PKP4: variants seen among roughly 807,000 people sequenced by gnomAD.
The protein encoded by PKP4 is plakophilin-4.
A neutral mutation model predicts 145.1 loss-of-function variants in PKP4; 90 were observed. The observed-to-expected ratio is 0.62, with a 90% CI of 0.52 to 0.74. The LOEUF is 0.74. Ranked by LOEUF, PKP4 falls within the 30% of genes least tolerant of loss-of-function variation. PKP4 has a pLI of 0.00. For missense variants in PKP4, 1,340 were observed against 1,482.7 expected (o/e 0.90, Z 1.58); for synonymous variants, 563 against 577.2 (o/e 0.98, Z 0.35).
At chr2:158,585,263 C>G (rs1051690429) in intron 3 of PKP4, among the ~76,000 whole-genome samples, 3 of 152,112 alleles carry the variant, frequency 2.0e-5, no homozygotes, top group African/African-American at 7.2e-5. Flanking sequence ...ATTATCTCCC[C>G]TTTTTCAGTT....
intron 1 of PKP4, among the ~76,000 whole-genome samples, chr2:158,498,983 C>T (rs1015534887): frequency 2.6e-5 from 4 of 152,078 alleles, no homozygotes; most frequent in Non-Finnish European, 5.9e-5. Context: ...ATTAAGCCCA[C>T]GGGGCTGGTG....
chr2:158,529,622 C>T (rs1352814249), intron 1 of PKP4, among the ~76,000 whole-genome samples: 3 of 152,192 alleles, frequency 2.0e-5, no homozygotes, highest in Non-Finnish European at 1.5e-5. Context: ...TTCCTATCAT[C>T]CTAGTGACTT....
chr2:158,638,258 T>C (rs2053979594), intron 9 of PKP4, among the ~76,000 whole-genome samples: 1 of 152,228 alleles, frequency 6.6e-6, no homozygotes, highest in African/African-American at 2.4e-5. Context: ...TGAATATTAA[T>C]AAAACATCTG....
chr2:158,676,797 C>T lies in PKP4; in HGVS notation c.3186C>T (p.Tyr1062=), dbSNP rs1357487027. ...GAATCAGAGACCCTCGCTCTGAATACGATAGGACCCAGCCACCTATGCAGT... is the reference window on the plus strand; with the variant it reads ...GAATCAGAGACCCTCGCTCTGAATATGATAGGACCCAGCCACCTATGCAGT... The part of the protein sequence containing the change: ...LLGIRDPRSE[Y]DRTQPPMQYY... The change falls in exon 20 of 22, where the codon TAC becomes TAT. Residue 1062 remains tyrosine, a synonymous_variant. Transcript: ENST00000389759. The T allele has an allele frequency of 9.9e-6, 16 of 1,614,046 alleles. No homozygotes were observed. Among genetic ancestry groups the T allele is most frequent in the Non-Finnish European group, 1.3e-5 (15 of 1,179,964 alleles).
At chr2:158,620,553 C>T (rs1188661561) in intron 4 of PKP4, among the ~76,000 whole-genome samples, 1 of 152,154 alleles carries the variant, frequency 6.6e-6, no homozygotes, top group African/African-American at 2.4e-5. Flanking sequence ...ATAAAATGTG[C>T]TCTACCTTCA....
intron 2 of PKP4, among the ~76,000 whole-genome samples, chr2:158,553,458 C>T (rs1308370397): frequency 6.6e-6 from 1 of 152,114 alleles, no homozygotes; most frequent in East Asian, 1.9e-4. Flanking sequence ...GTTGTATCAG[C>T]AAAAATGCTG....
intron 2 of PKP4, among the ~76,000 whole-genome samples, chr2:158,573,554 CAGA>C (rs549762638): frequency 5.6e-4 from 84 of 149,986 alleles, no homozygotes; most frequent in African/African-American, 1.9e-3. Context: ...GTCAGATTCA[CAGA>C]AGTTTATTGT....
chr2:158,641,927 C>T (rs1184124607), intron 10 of PKP4, among the ~76,000 whole-genome samples: 8 of 152,012 alleles, frequency 5.3e-5, no homozygotes, highest in Non-Finnish European at 7.4e-5. Flanking sequence ...TGCTGCCTGC[C>T]GATGGACATT....
chr2:158,520,904 A>C (rs2042315040), intron 1 of PKP4, among the ~76,000 whole-genome samples: 1 of 152,198 alleles, frequency 6.6e-6, no homozygotes, highest in Non-Finnish European at 1.5e-5. Context: ...TCCTTGTTTT[A>C]TAGAGCTTTG....
intron 3 of PKP4, among the ~76,000 whole-genome samples, chr2:158,587,890 A>G (rs1212403539): frequency 1.3e-5 from 2 of 151,368 alleles, no homozygotes; most frequent in Non-Finnish European, 2.9e-5. Flanking sequence ...ATATACATAT[A>G]TATTAACACC....
intron 1 of PKP4, among the ~76,000 whole-genome samples, chr2:158,481,862 A>C (rs539608865): frequency 1.1e-3 from 175 of 152,350 alleles, no homozygotes; most frequent in Non-Finnish European, 2.0e-3. Flanking sequence ...AAATAAGCAA[A>C]ACTGGTTTAT....
Position 158,548,818 on chromosome 2 carries a change from A to G in PKP4, c.132+15502A>G, listed in dbSNP as rs184460085. 2.2e-3 allele frequency: 539 copies of G among 240,770 alleles called. 1 individual carries two copies. The highest frequency in any genetic ancestry group is 3.8e-3 in the Non-Finnish European group (472 of 123,596). 14.9% of individuals were successfully genotyped at this position (240,770 alleles called of 1,614,324 possible). A position where few individuals can be genotyped will look rare whatever the true frequency, so the allele number is the denominator to read the frequency against. On this transcript the variant is annotated intron_variant, in intron 2 of 21. Transcript: ENST00000389759. Reference sequence around the variant, plus strand: ...GCCAGCAAAGGGAACATCCCCATTAAGAGACCACCTGTCCTTCGAGTAGGG... The same window carrying G: ...GCCAGCAAAGGGAACATCCCCATTAGGAGACCACCTGTCCTTCGAGTAGGG...
chr2:158,669,528 C>A, intron 16 of PKP4, 192 bp from the exon 17 acceptor site: 1 of 406,004 alleles, frequency 2.5e-6, no homozygotes, highest in Non-Finnish European at 4.4e-6. Context: ...AGTGACGTTG[C>A]AATAAATGTT....
At chr2:158,558,315 T>C (rs1478261864) in intron 2 of PKP4, among the ~76,000 whole-genome samples, 1 of 151,928 alleles carries the variant, frequency 6.6e-6, no homozygotes, top group Non-Finnish European at 1.5e-5. Flanking sequence ...CCAGGGAAAA[T>C]GTCTAGAGCA....
chr2:158,547,809 GCTTAATATTGGGCA>G (rs369155250), intron 2 of PKP4, among the ~76,000 whole-genome samples: 186 of 152,312 alleles, frequency 1.2e-3, no homozygotes, highest in African/African-American at 3.8e-3. Context: ...CCAGTATGCA[GCTTAATATTGGGCA>G]CTCATAAAAT....
At chr2:158,538,507 G>A (rs2044249350) in intron 2 of PKP4, among the ~76,000 whole-genome samples, 1 of 147,962 alleles carries the variant, frequency 6.8e-6, no homozygotes, top group African/African-American at 2.5e-5. Flanking sequence ...ATTTGAACTT[G>A]GTCATACTTT....
intron 4 of PKP4, among the ~76,000 whole-genome samples, chr2:158,606,304 A>G (rs935303349): frequency 6.6e-6 from 1 of 151,858 alleles, no homozygotes; most frequent in African/African-American, 2.4e-5. Flanking sequence ...GCACCACTGC[A>G]CTCCAGCCTG....
At chr2:158,548,148 A>G (rs1428560230) in intron 2 of PKP4, among the ~76,000 whole-genome samples, 1 of 152,212 alleles carries the variant, frequency 6.6e-6, no homozygotes, top group African/African-American at 2.4e-5. Context: ...CTGAAATAAC[A>G]TAAGGAGCCT....
At chr2:158,561,080 G>C (rs944236541) in intron 2 of PKP4, among the ~76,000 whole-genome samples, 1 of 152,148 alleles carries the variant, frequency 6.6e-6, no homozygotes, top group African/African-American at 2.4e-5. Context: ...ATAATCAAAG[G>C]CAGAATATTT....
Sources: gnomAD v4.1 joint callset for allele counts (sites outside exome capture counted in the v4.1 genomes callset) on GRCh38, gnomAD v4.1.1 for gene constraint, MANE v1.5 for transcripts, NCBI Gene and HGNC (gene_info 2026-07-23, HGNC 2026-07-21) for gene names.